Variants in ROBO1 observed in about 807,000 individuals in gnomAD.
ROBO1 encodes the protein roundabout homolog 1.
A neutral mutation model predicts 195.9 loss-of-function variants in ROBO1; 149 were observed. That is an observed-to-expected ratio of 0.76 (90% CI 0.67 to 0.87). ROBO1 has a LOEUF of 0.87. Ranked by LOEUF, ROBO1 falls within the 40% of genes least tolerant of loss-of-function variation. The pLI, the probability that ROBO1 is intolerant of heterozygous loss-of-function variation, is 0.00. For synonymous variants in ROBO1, 816 were observed against 733.2 expected, an observed-to-expected ratio of 1.11 and a Z score of -1.82; for missense variants, 1,933 against 2,068.3, an observed-to-expected ratio of 0.93 and a Z score of 1.27.
chr3:79,234,186 ATAAC>A (rs1428955773), intron 2 of ROBO1, among the ~76,000 whole-genome samples: 1 of 152,006 alleles, frequency 6.6e-6, no homozygotes, highest in Non-Finnish European at 1.5e-5. Context: ...GCACTTTAGT[ATAAC>A]TAGGTACTAC....
At chr3:78,731,956 G>A (rs2082295414) in intron 5 of ROBO1, among the ~76,000 whole-genome samples, 1 of 152,172 alleles carries the variant, frequency 6.6e-6, no homozygotes, top group Non-Finnish European at 1.5e-5. Context: ...TAATTAATGA[G>A]AACTGTGATA....
chr3:79,759,340 A>T (rs1165061711), intron 1 of ROBO1, among the ~76,000 whole-genome samples: 1 of 152,182 alleles, frequency 6.6e-6, no homozygotes, highest in Non-Finnish European at 1.5e-5. Flanking sequence ...TTACACATTG[A>T]TCAGAAGCTG....
chr3:79,441,727 A>G (rs1240955917), intron 2 of ROBO1, among the ~76,000 whole-genome samples: 5 of 152,092 alleles, frequency 3.3e-5, no homozygotes, highest in African/African-American at 4.8e-5. Context: ...AAAAAAACGA[A>G]TCTCATTTTC....
At chr3:79,481,115 G>A (rs1486730484) in intron 2 of ROBO1, among the ~76,000 whole-genome samples, 1 of 151,966 alleles carries the variant, frequency 6.6e-6, no homozygotes, top group African/African-American at 2.4e-5. Flanking sequence ...TTCTACTGAT[G>A]GTGAAGCCTG....
At chr3:79,253,183 T>A (rs2082764781) in intron 2 of ROBO1, among the ~76,000 whole-genome samples, 1 of 152,072 alleles carries the variant, frequency 6.6e-6, no homozygotes, top group Non-Finnish European at 1.5e-5. Context: ...TTGATGAAAT[T>A]CCCTAAATGT....
intron 4 of ROBO1, among the ~76,000 whole-genome samples, chr3:78,752,987 T>C (rs2082835360): frequency 6.6e-6 from 1 of 152,144 alleles, no homozygotes; most frequent in South Asian, 2.1e-4. Context: ...CTTTTGAAGA[T>C]TGGACAAAAC....
At chr3:78,915,858 A>G (rs1693052738) in intron 4 of ROBO1, among the ~76,000 whole-genome samples, 1 of 152,054 alleles carries the variant, frequency 6.6e-6, no homozygotes, top group South Asian at 2.1e-4. Flanking sequence ...AGGTCTCACT[A>G]TGCTGCCCAG....
At chr3:79,503,113 T>G (rs561235873) in intron 2 of ROBO1, among the ~76,000 whole-genome samples, 1 of 152,256 alleles carries the variant, frequency 6.6e-6, no homozygotes, top group South Asian at 2.1e-4. Flanking sequence ...TGCTGCTCAC[T>G]CTTTGGGTCT....
chr3:79,119,414 T>G (rs966844383), intron 3 of ROBO1, among the ~76,000 whole-genome samples: 4 of 152,198 alleles, frequency 2.6e-5, no homozygotes, highest in African/African-American at 9.6e-5. Context: ...TTTTGGAGTA[T>G]GAGACATGAA....
At chr3:79,179,193 T>G (rs1012098500) in intron 2 of ROBO1, among the ~76,000 whole-genome samples, 1 of 152,182 alleles carries the variant, frequency 6.6e-6, no homozygotes, top group East Asian at 1.9e-4. Flanking sequence ...CCATTCAGTT[T>G]AAAATGGAGT....
intron 2 of ROBO1, among the ~76,000 whole-genome samples, chr3:79,234,775 A>C (rs912135270): frequency 6.6e-6 from 1 of 152,120 alleles, no homozygotes; most frequent in Non-Finnish European, 1.5e-5. Flanking sequence ...AACATTGGGT[A>C]CTCATGGACA....
At chr3:79,056,715 G>A (rs569490914) in intron 3 of ROBO1, among the ~76,000 whole-genome samples, 10 of 152,130 alleles carry the variant, frequency 6.6e-5, no homozygotes, top group South Asian at 4.1e-4. Flanking sequence ...ATTCATAGAC[G>A]AAAGAATCCA....
chr3:78,860,685 G>A (rs189103147), intron 4 of ROBO1, among the ~76,000 whole-genome samples: 44 of 152,092 alleles, frequency 2.9e-4, no homozygotes, highest in African/African-American at 9.9e-4. Context: ...TGTGGGCTTC[G>A]GCTCCACCAG....
At chr3:79,439,243 G>C (rs992339369) in intron 2 of ROBO1, among the ~76,000 whole-genome samples, 8 of 151,900 alleles carry the variant, frequency 5.3e-5, no homozygotes, top group Non-Finnish European at 8.8e-5. Context: ...GGCAAATTTC[G>C]TACTGTGGAA....
intron 10 of ROBO1, among the ~76,000 whole-genome samples, chr3:78,672,594 CAAAAAAAAAA>C (rs368446414): frequency 6.8e-5 from 5 of 73,936 alleles, no homozygotes; most frequent in South Asian, 5.4e-4. Flanking sequence ...GACCCTGTCT[CAAAAAAAAAA>C]AAAAAAAAAA....
chr3:79,382,893 A>G (rs1559860392), intron 2 of ROBO1, among the ~76,000 whole-genome samples: 1 of 152,140 alleles, frequency 6.6e-6, no homozygotes, highest in Non-Finnish European at 1.5e-5. Context: ...AGGCCTTGGT[A>G]CTTCAGCTGT....
At chr3:78,626,147 A>C (rs190021791) in intron 26 of ROBO1, among the ~76,000 whole-genome samples, 180 of 152,308 alleles carry the variant, frequency 1.2e-3, no homozygotes, top group African/African-American at 4.2e-3. Context: ...AACAAAAAAA[A>C]CAATGCTTAG....
At chr3:79,680,216 T>C (rs912030705) in intron 1 of ROBO1, among the ~76,000 whole-genome samples, 1 of 152,080 alleles carries the variant, frequency 6.6e-6, no homozygotes, top group East Asian at 1.9e-4. Context: ...ATTTTCATTC[T>C]TAGCTCACTG....
At chr3:79,696,713 G>A (rs1416322564) in intron 1 of ROBO1, among the ~76,000 whole-genome samples, 2 of 151,342 alleles carry the variant, frequency 1.3e-5, no homozygotes, top group African/African-American at 4.8e-5. Flanking sequence ...TTCTCATTTA[G>A]TCTCTTTTTC....
Sources: allele counts gnomAD v4.1 joint callset (sites outside exome capture counted in the v4.1 genomes callset), GRCh38; gene constraint gnomAD v4.1.1; transcripts MANE v1.5; gene names NCBI Gene and HGNC (gene_info 2026-07-23, HGNC 2026-07-21).